CSMD1: variants seen among roughly 807,000 people sequenced by gnomAD.
CSMD1 encodes the protein CUB and sushi domain-containing protein 1.
A neutral mutation model predicts 417.5 loss-of-function variants in CSMD1; 213 were observed. That is an observed-to-expected ratio of 0.51 (90% CI 0.46 to 0.57). The LOEUF is 0.57. Among genes scored for constraint, CSMD1 ranks in the 20% least tolerant of loss-of-function variants. CSMD1 has a pLI of 0.00. For synonymous variants in CSMD1, 2,862 were observed against 1,736.8 expected (o/e 1.65, Z -16.11); for missense variants, 6,923 against 4,529.7 (o/e 1.53, Z -15.17).
At chr8:3,646,417 T>A (rs1054049344) in intron 7 of CSMD1, among the ~76,000 whole-genome samples, 2 of 152,310 alleles carry the variant, frequency 1.3e-5, no homozygotes, top group East Asian at 1.9e-4. Context: ...ACAATCTACT[T>A]TAACTCAAAA....
At position 4,706,782 on chromosome 8, in the gene CSMD1, G is replaced by A. The variant is rs574680768; in HGVS notation, c.86-69224C>T. On this transcript the variant is annotated intron_variant, in intron 1 of 69. Transcript: ENST00000635120. Reference sequence around the variant, plus strand: ...CTCTCACTCAGAGGCAACAGAAGACGCATTTGAGAAAGACAGTGCTTGACT... The same window carrying A: ...CTCTCACTCAGAGGCAACAGAAGACACATTTGAGAAAGACAGTGCTTGACT... Among the ~76,000 whole-genome samples, 19 of 152,328 alleles carry A rather than the reference G, an allele frequency of 1.2e-4. No individual in the cohort carries two copies. In the Middle Eastern group the frequency reaches 0.02, roughly 164 times the overall value.
At chr8:4,984,438 G>A (rs1205290204) in intron 1 of CSMD1, among the ~76,000 whole-genome samples, 1 of 152,232 alleles carries the variant, frequency 6.6e-6, no homozygotes, top group Admixed American at 6.5e-5. Flanking sequence ...CAATGTCTGA[G>A]AAGGGTGGCC....
chr8:4,093,447 C>A (rs1002859218), intron 3 of CSMD1, among the ~76,000 whole-genome samples: 1 of 152,096 alleles, frequency 6.6e-6, no homozygotes, highest in Non-Finnish European at 1.5e-5. Context: ...CCCCTTGAAT[C>A]TGAATATCTG....
chr8:3,567,211 C>A (rs1026330736), intron 10 of CSMD1, among the ~76,000 whole-genome samples: 2 of 151,932 alleles, frequency 1.3e-5, no homozygotes, highest in Admixed American at 6.6e-5. Context: ...AGGTGGGCAC[C>A]AAATGGTGAA....
intron 39 of CSMD1, among the ~76,000 whole-genome samples, chr8:3,153,378 G>T (rs759831079): frequency 1.3e-5 from 2 of 152,170 alleles, no homozygotes; most frequent in African/African-American, 4.8e-5. Flanking sequence ...CCATTCTTTT[G>T]TTCCTTTACT....
At chr8:4,294,436 T>G (rs777786048) in intron 3 of CSMD1, among the ~76,000 whole-genome samples, 1 of 152,158 alleles carries the variant, frequency 6.6e-6, no homozygotes, top group Non-Finnish European at 1.5e-5. Flanking sequence ...GACACTTCAA[T>G]TAACATCGCA....
chr8:4,442,477 T>TA (rs1490695414), intron 2 of CSMD1, among the ~76,000 whole-genome samples: 1 of 152,178 alleles, frequency 6.6e-6, no homozygotes, highest in Non-Finnish European at 1.5e-5. Context: ...TCTACAAGCA[T>TA]ATTACATCTG....
chr8:4,181,522 C>T (rs1480178436), intron 3 of CSMD1, among the ~76,000 whole-genome samples: 1 of 152,006 alleles, frequency 6.6e-6, no homozygotes, highest in African/African-American at 2.4e-5. Flanking sequence ...GAAAACCTTA[C>T]AATATTTTAA....
At chr8:3,987,637 C>T (rs966003981) in intron 5 of CSMD1, among the ~76,000 whole-genome samples, 3 of 152,164 alleles carry the variant, frequency 2.0e-5, no homozygotes, top group Admixed American at 1.3e-4. Flanking sequence ...ATGAGTAGGG[C>T]TTTGCTGATA....
rs1464816592 is a variant in CSMD1 at position 2,951,186 on chromosome 8, A to G, written c.10129T>C (p.Trp3377Arg). ...KRQPATLTVDWFNATSSKVNA... is the reference protein window; with the variant it reads ...KRQPATLTVDRFNATSSKVNA... ...ACCTTACTGCTTGTTGCATTGAACC[A>G]GTCAACAGTTAGAGTGGCGGGTTGT... The change falls in exon 66 of 70, where the codon TGG (tryptophan) becomes CGG (arginine). Residue 3377 changes from tryptophan to arginine, a missense_variant. Coordinates refer to ENST00000635120, the MANE Select transcript of CSMD1 (RefSeq NM_033225.6). 2 of 1,613,496 alleles carry G rather than the reference A, an allele frequency of 1.2e-6. No homozygotes were observed. Among genetic ancestry groups the G allele is most frequent in the African/African-American group, 1.3e-5 (1 of 74,918 alleles).
At chr8:3,265,572 G>T (rs753730029) in intron 26 of CSMD1, among the ~76,000 whole-genome samples, 1 of 152,148 alleles carries the variant, frequency 6.6e-6, no homozygotes, top group Admixed American at 6.6e-5. Context: ...GAATTTGAAG[G>T]CTCAAAAACA....
Position 4,725,856 on chromosome 8 carries a change from C to G in CSMD1, c.86-88298G>C, listed in dbSNP as rs371477984. Among the ~76,000 whole-genome samples, 4 of 152,238 alleles carry G rather than the reference C, an allele frequency of 2.6e-5. No individual in the cohort carries two copies. In the South Asian group the frequency reaches 6.2e-4, roughly 24 times the overall value. ...GACGTGGCTAAAGGAGTTTTGAGAC[C>G]TACCCTCCGACATCTTGTAGACCCT... On this transcript the variant is annotated intron_variant, in intron 1 of 69. Transcript: ENST00000635120.
intron 1 of CSMD1, among the ~76,000 whole-genome samples, chr8:4,737,511 T>A (rs79738027): frequency 6.6e-6 from 1 of 152,046 alleles, no homozygotes; most frequent in Non-Finnish European, 1.5e-5. Context: ...AAAAAAAACA[T>A]AAAACATCAT....
At chr8:2,980,400 T>C (rs1805303468) in intron 54 of CSMD1, among the ~76,000 whole-genome samples, 1 of 151,698 alleles carries the variant, frequency 6.6e-6, no homozygotes, top group Admixed American at 6.6e-5. Context: ...CTTCTCCTCC[T>C]CCACCTCCTT....
chr8:4,370,222 G>T (rs564667829), intron 3 of CSMD1, among the ~76,000 whole-genome samples: 2 of 152,118 alleles, frequency 1.3e-5, no homozygotes, highest in Admixed American at 6.6e-5. Context: ...GGTGAGATAC[G>T]AAATTCTTGT....
In CSMD1 at chr8:4,016,818, A is replaced by C. The variant is rs566374903; in HGVS notation, c.610+15087T>G. Among the ~76,000 whole-genome samples, 9 of 152,306 alleles carry C rather than the reference A, an allele frequency of 5.9e-5. No homozygotes were observed. In the South Asian group the frequency reaches 1.9e-3, roughly 32 times the overall value. ...TTGGTCGTTGTTTTATTTGACATCC[A>C]TGAGGTTGTTGGAAGTCATGTCTAT... On this transcript the variant is annotated intron_variant, in intron 4 of 69. Coordinates refer to ENST00000635120, the MANE Select transcript of CSMD1 (RefSeq NM_033225.6).
intron 7 of CSMD1, among the ~76,000 whole-genome samples, chr8:3,707,034 AG>A (rs1801206177): frequency 6.6e-6 from 1 of 151,974 alleles, no homozygotes; most frequent in East Asian, 1.9e-4. Flanking sequence ...CTAAGACCAG[AG>A]GGGTAGTCAG....
At chr8:4,134,231 A>G (rs1247456038) in intron 3 of CSMD1, among the ~76,000 whole-genome samples, 1 of 152,198 alleles carries the variant, frequency 6.6e-6, no homozygotes, top group African/African-American at 2.4e-5. Flanking sequence ...GTGTCTCCCC[A>G]GAGTTCGTAT....
At chr8:3,720,681 A>G (rs1322545183) in intron 6 of CSMD1, among the ~76,000 whole-genome samples, 1 of 150,402 alleles carries the variant, frequency 6.6e-6, no homozygotes, top group Non-Finnish European at 1.5e-5. Flanking sequence ...TTCATGACCC[A>G]TGGGAAGCTT....
Sources: gnomAD v4.1 joint callset for allele counts (sites outside exome capture counted in the v4.1 genomes callset) on GRCh38, gnomAD v4.1.1 for gene constraint, MANE v1.5 for transcripts, NCBI Gene and HGNC (gene_info 2026-07-23, HGNC 2026-07-21) for gene names.